The following PGS1 variants were observed in gnomAD, a reference collection of about 807,000 sequenced individuals.
PGS1 encodes the protein CDP-diacylglycerol--glycerol-3-phosphate 3-phosphatidyltransferase, mitochondrial.
A neutral mutation model predicts 58.3 loss-of-function variants in PGS1; 44 were observed. That is an observed-to-expected ratio of 0.75 (90% confidence interval 0.59 to 0.97). PGS1 has a LOEUF of 0.97. PGS1 is among the 50% of genes least tolerant of loss of function. The pLI is 0.00. For missense variants in PGS1, 684 were observed against 731.1 expected (o/e 0.94, Z 0.74); for synonymous variants, 330 against 311.0 (o/e 1.06, Z -0.64).
chr17:78,414,994 G>T lies in PGS1; in HGVS notation c.1518G>T (p.Thr506=), dbSNP rs773716898. ...TGGAGGCCCAGATTGCGATCGTGAC[G>T]GAGAACCAGGCCCTGCAGCAGCAGC... is the stretch of plus-strand genomic sequence containing the variant. ...RDLEAQIAIV[T]ENQALQQQLH... Residue 506 remains threonine (T), a synonymous_variant, in exon 8 of 10, where the codon ACG becomes ACT. Coordinates refer to ENST00000262764, the MANE Select transcript of PGS1 (RefSeq NM_024419.5). The T allele has an allele frequency of 7.4e-6, 12 of 1,613,276 alleles. No individual in the cohort carries two copies. The highest frequency in any genetic ancestry group is 3.7e-4 in the Middle Eastern group (2 of 5,454).
intron 7 of PGS1, among the ~76,000 whole-genome samples, chr17:78,411,827 G>A (rs1187814993): frequency 1.3e-5 from 2 of 151,808 alleles, no homozygotes; most frequent in Non-Finnish European, 2.9e-5. Context: ...CCTGACTGGT[G>A]GTGCGGGTCT....
At position 78,403,578 on chromosome 17, in the gene PGS1, C is replaced by T. The variant is rs757954212; in HGVS notation, c.891C>T (p.Ala297=). 4.2e-5 allele frequency: 68 copies of T among 1,610,150 alleles called. No homozygotes were observed. Among genetic ancestry groups the T allele is most frequent in the Middle Eastern group, 1.6e-4 (1 of 6,068 alleles). The change falls in exon 7 of 10, where the codon GCC becomes GCT. Residue 297 remains alanine (A), a synonymous_variant. Transcript: ENST00000262764. ...GMVHPYKGDR[A]EYCKAANKRV... is the part of the protein sequence containing the mutation. ...TCACGTCTTCCCCAGGGGACCGGGC[C>T]GAGTACTGCAAGGCAGCCAATAAGA...
chr17:78,424,406 G>T lies in PGS1; in HGVS notation c.*356G>T. The T allele has an allele frequency of 2.2e-6, 1 of 445,524 alleles. No homozygotes were observed. The highest frequency in any genetic ancestry group is 1.9e-5 in the African/African-American group (1 of 51,760). 27.6% of individuals were successfully genotyped at this position (445,524 alleles called of 1,614,324 possible). ...TCGGGTTCCATCCGTTTAAATCTGT[G>T]GCATTTTCAGAGCCTCATCTGTCAG... On this transcript the variant is annotated 3_prime_UTR_variant, in exon 10 of 10. Coordinates refer to ENST00000262764, the MANE Select transcript of PGS1 (RefSeq NM_024419.5).
At chr17:78,406,763 G>T (rs944091798) in intron 7 of PGS1, among the ~76,000 whole-genome samples, 1 of 151,880 alleles carries the variant, frequency 6.6e-6, no homozygotes, top group Non-Finnish European at 1.5e-5. Flanking sequence ...CTTTGGGGAG[G>T]CCTCAGACCC....
At chr17:78,394,347 TC>T (rs1246023523) in intron 2 of PGS1, among the ~76,000 whole-genome samples, 2 of 151,944 alleles carry the variant, frequency 1.3e-5, no homozygotes, top group Non-Finnish European at 2.9e-5. Context: ...GCGCTTTTGT[TC>T]TGTTTGTTGA....
At position 78,378,749 on chromosome 17, in the gene PGS1, C is replaced by T; in HGVS notation, c.84C>T (p.Ala28=). 1 of 1,505,866 alleles carries T rather than the reference C, an allele frequency of 6.6e-7. No homozygotes were observed. Among genetic ancestry groups the T allele is most frequent in the Non-Finnish European group, 8.8e-7 (1 of 1,134,056 alleles). 93.3% of individuals were successfully genotyped at this position (1,505,866 alleles called of 1,614,324 possible). Residue 28 remains alanine (A), a synonymous_variant, in exon 1 of 10, where the codon GCC becomes GCT. Coordinates refer to ENST00000262764, the MANE Select transcript of PGS1 (RefSeq NM_024419.5). ...TCCTGCCTGGCCGCCCAGGGCTGGC[C>T]GCGCTCCTGGGACGCCTGTCCGACC... ...LGLLPGRPGL[A]ALLGRLSDRL...
chr17:78,406,453 C>T (rs781530586), intron 7 of PGS1, among the ~76,000 whole-genome samples: 6 of 152,244 alleles, frequency 3.9e-5, no homozygotes, highest in Non-Finnish European at 7.3e-5. Flanking sequence ...GAACCACTGT[C>T]CCAGCTTGGA....
chr17:78,381,542 C>T (rs1418160786), intron 1 of PGS1, among the ~76,000 whole-genome samples: 1 of 152,228 alleles, frequency 6.6e-6, no homozygotes. Context: ...TAGCTGCTGA[C>T]TTTGCTTTCT....
intron 9 of PGS1, 82 bp from the exon 10 acceptor site, chr17:78,423,979 G>A (rs771797237): frequency 1.2e-6 from 2 of 1,614,030 alleles, no homozygotes; most frequent in Non-Finnish European, 1.7e-6. Flanking sequence ...CAAGTTAAAG[G>A]TCCAGACATA....
intron 6 of PGS1, among the ~76,000 whole-genome samples, chr17:78,403,086 T>C (rs535390976): frequency 2.0e-5 from 3 of 152,350 alleles, no homozygotes; most frequent in African/African-American, 7.2e-5. Context: ...CGCATGCTCC[T>C]TTTTTGGTTA....
chr17:78,397,726 C>T (rs910751361), intron 3 of PGS1, among the ~76,000 whole-genome samples: 10 of 152,120 alleles, frequency 6.6e-5, no homozygotes, highest in Non-Finnish European at 1.0e-4. Context: ...TGAGCCACTG[C>T]GCCCGGCCGC....
rs145352765 is a variant in PGS1 at position 78,403,835 on chromosome 17, A to C, written c.1148A>C (p.Tyr383Ser). 1 of 1,614,218 alleles carries C rather than the reference A, an allele frequency of 6.2e-7. No individual in the cohort carries two copies. Among genetic ancestry groups the C allele is most frequent in the South Asian group, 1.1e-5 (1 of 91,088 alleles). ...GAGGCGGAGCGCGGGGCAAAGGTCT[A>C]CCTCACCACTGGCTATTTCAACCTG... The part of the protein sequence containing the change: ...LTEAERGAKV[Y>S]LTTGYFNLTQ... The change falls in exon 7 of 10, where the codon TAC becomes TCC. Residue 383 changes from tyrosine to serine, a missense_variant. Transcript: ENST00000262764.
chr17:78,420,120 G>A, intron 9 of PGS1: 1 of 1,037,602 alleles, frequency 9.6e-7, no homozygotes, highest in Non-Finnish European at 1.2e-6. Flanking sequence ...TTGCTGCCCT[G>A]GCCGGCTGTA....
intron 1 of PGS1, among the ~76,000 whole-genome samples, chr17:78,383,483 C>T (rs189474447): frequency 2.8e-4 from 43 of 152,284 alleles, no homozygotes; most frequent in South Asian, 4.1e-4. Flanking sequence ...ACCTCAGCCT[C>T]CCAAAGTGCT....
At chr17:78,420,139 G>C (rs866619621) in intron 9 of PGS1, 2 of 1,017,748 alleles carry the variant, frequency 2.0e-6, no homozygotes, top group South Asian at 3.8e-5. Flanking sequence ...TAGTGCACAG[G>C]GTGGGGCGTC....
At chr17:78,395,383 A>AT (rs2083155352) in intron 2 of PGS1, among the ~76,000 whole-genome samples, 1 of 152,142 alleles carries the variant, frequency 6.6e-6, no homozygotes, top group East Asian at 1.9e-4. Context: ...TTTCCTAGTG[A>AT]TTGTTCATGT....
intron 1 of PGS1, 70 bp downstream of exon 1, chr17:78,378,878 C>A: frequency 3.7e-6 from 5 of 1,337,100 alleles, no homozygotes; most frequent in Non-Finnish European, 4.8e-6. Context: ...GCTCAAACTC[C>A]CGGCCCCAGC....
chr17:78,418,903 C>T (rs2085444556), intron 8 of PGS1, among the ~76,000 whole-genome samples: 1 of 152,110 alleles, frequency 6.6e-6, no homozygotes, highest in South Asian at 2.1e-4. Context: ...TATGCATTAC[C>T]TCGTTTAGTG....
chr17:78,392,902 G>A (rs1234609049), intron 2 of PGS1, among the ~76,000 whole-genome samples: 1 of 152,120 alleles, frequency 6.6e-6, no homozygotes, highest in East Asian at 1.9e-4. Context: ...TGAGAACAAG[G>A]ACCTAGACCT....
Sources: gnomAD v4.1 joint callset for allele counts (sites outside exome capture counted in the v4.1 genomes callset) on GRCh38, gnomAD v4.1.1 for gene constraint, MANE v1.5 for transcripts, NCBI Gene and HGNC (gene_info 2026-07-23, HGNC 2026-07-21) for gene names.